HIVEP3: variants seen among roughly 807,000 people sequenced by gnomAD.
HIVEP3 encodes the protein HIVEP zinc finger 3, also known as transcription factor HIVEP3.
HIVEP3 carries 49 observed loss-of-function variants against 152.8 expected under a neutral mutation model. The ratio of observed to expected loss-of-function variants is 0.32; its 90% CI spans 0.26 to 0.41. The LOEUF (loss-of-function observed/expected upper bound fraction) is 0.41, where lower values mean the gene tolerates loss of function less well. HIVEP3 is among the 10% of genes least tolerant of loss of function. The pLI, the probability that HIVEP3 is intolerant of heterozygous loss-of-function variation, is 1.00. For synonymous variants in HIVEP3, 1,269 were observed against 1,289.0 expected, an observed-to-expected ratio of 0.98 and a Z score of 0.33; for missense variants, 2,790 against 3,103.3, an observed-to-expected ratio of 0.90 and a Z score of 2.40.
intron 1 of HIVEP3, among the ~76,000 whole-genome samples, chr1:41,868,100 CT>C (rs1464838717): frequency 6.6e-6 from 1 of 152,206 alleles, no homozygotes; most frequent in Non-Finnish European, 1.5e-5. Flanking sequence ...CCTCTTTCCC[CT>C]AGCTGATACT....
intron 1 of HIVEP3, among the ~76,000 whole-genome samples, chr1:41,953,838 A>G (rs937993270): frequency 2.0e-5 from 3 of 152,234 alleles, no homozygotes; most frequent in African/African-American, 7.2e-5. Flanking sequence ...GCCACTAATA[A>G]TAATGGTATT....
chr1:41,853,683 G>A (rs959395104), intron 1 of HIVEP3, among the ~76,000 whole-genome samples: 5 of 152,172 alleles, frequency 3.3e-5, no homozygotes, highest in African/African-American at 1.2e-4. Context: ...GTGTAGAAAG[G>A]GAGAGGAAGG....
At chr1:41,954,608 T>C (rs919140733) in intron 1 of HIVEP3, among the ~76,000 whole-genome samples, 3 of 152,210 alleles carry the variant, frequency 2.0e-5, no homozygotes, top group South Asian at 2.1e-4. Context: ...GTCATGGCCA[T>C]TGTGAGTCAA....
chr1:41,572,738 G>C (rs1466533336), intron 5 of HIVEP3, among the ~76,000 whole-genome samples: 1 of 152,250 alleles, frequency 6.6e-6, no homozygotes, highest in Admixed American at 6.5e-5. Flanking sequence ...AGTTTAATTA[G>C]AGATTAAAAG....
At chr1:41,746,260 G>A (rs142389151) in intron 1 of HIVEP3, among the ~76,000 whole-genome samples, 59 of 152,242 alleles carry the variant, frequency 3.9e-4, no homozygotes, top group African/African-American at 1.3e-3. Context: ...TAATCACCTC[G>A]CATTTATTAT....
intron 1 of HIVEP3, among the ~76,000 whole-genome samples, chr1:41,944,133 T>C (rs1262924600): frequency 6.6e-6 from 1 of 152,188 alleles, no homozygotes; most frequent in South Asian, 2.1e-4. Flanking sequence ...TGAGAGGAAG[T>C]AGGAGTTATT....
In HIVEP3 at chr1:41,561,271, G is replaced by A. The variant is rs141601723; in HGVS notation, c.5207+14273C>T. 8.3e-3 allele frequency among the ~76,000 whole-genome samples: 1,260 copies of A among 152,262 alleles called. 16 individuals are homozygous for A. The highest frequency in any genetic ancestry group is 0.028 in the African/African-American group (1,165 of 41,550). On this transcript the variant is annotated intron_variant, in intron 5 of 8. Transcript: ENST00000372583. ...AAACCCCAGTCCTCCAGACTCTACAGCCCAAGCCTCATTCTTACATCTTCC... is the reference window on the plus strand; with the variant it reads ...AAACCCCAGTCCTCCAGACTCTACAACCCAAGCCTCATTCTTACATCTTCC...
intron 1 of HIVEP3, among the ~76,000 whole-genome samples, chr1:41,767,027 A>G (rs576840811): frequency 1.4e-4 from 21 of 152,200 alleles, no homozygotes; most frequent in Non-Finnish European, 2.1e-4. Context: ...GATCCCAGCC[A>G]CAGTTCCACT....
At chr1:41,766,480 G>A (rs1346630627) in intron 1 of HIVEP3, among the ~76,000 whole-genome samples, 1 of 152,240 alleles carries the variant, frequency 6.6e-6, no homozygotes, top group Non-Finnish European at 1.5e-5. Context: ...CAGAGGCTGT[G>A]CTAAGTACTT....
At chr1:41,544,805 CACCACT>C (rs1200573242) in intron 5 of HIVEP3, among the ~76,000 whole-genome samples, 1 of 143,670 alleles carries the variant, frequency 7.0e-6, no homozygotes, top group Non-Finnish European at 1.6e-5. Flanking sequence ...CCATCACCAC[CACCACT>C]ACCACCTCTA....
intron 1 of HIVEP3, among the ~76,000 whole-genome samples, chr1:41,779,150 C>A (rs1249868886): frequency 6.6e-6 from 1 of 152,188 alleles, no homozygotes; most frequent in Non-Finnish European, 1.5e-5. Context: ...CACTTGCCTT[C>A]CTCCCACCCC....
intron 2 of HIVEP3, among the ~76,000 whole-genome samples, chr1:41,676,928 G>A (rs1037198965): frequency 2.0e-5 from 3 of 152,256 alleles, no homozygotes; most frequent in African/African-American, 7.2e-5. Context: ...CTGGGATGGT[G>A]AAGGCTAGGG....
chr1:41,544,441 C>T (rs1643610975), intron 5 of HIVEP3: 1 of 151,924 alleles, frequency 6.6e-6, no homozygotes, highest in African/African-American at 2.4e-5. Context: ...ATTGATTAAA[C>T]ACCCTCTGGC....
intron 5 of HIVEP3, among the ~76,000 whole-genome samples, chr1:41,566,885 C>A (rs1257108876): frequency 6.6e-6 from 1 of 152,108 alleles, no homozygotes; most frequent in African/African-American, 2.4e-5. Context: ...GTCCTGGATG[C>A]CTTTTTCTTT....
At chr1:41,748,447 T>A (rs1007131848) in intron 1 of HIVEP3, among the ~76,000 whole-genome samples, 1 of 152,168 alleles carries the variant, frequency 6.6e-6, no homozygotes, top group Non-Finnish European at 1.5e-5. Flanking sequence ...AACTATTGAA[T>A]GGGAAACTGT....
At chr1:41,953,186 G>A (rs1381677318) in intron 1 of HIVEP3, among the ~76,000 whole-genome samples, 1 of 152,124 alleles carries the variant, frequency 6.6e-6, no homozygotes, top group Non-Finnish European at 1.5e-5. Flanking sequence ...TCAAGACTAG[G>A]TTCAAATTTC....
chr1:41,580,169 T>C lies in HIVEP3; in HGVS notation c.4629A>G (p.Arg1543=). ...EYPQPSGKPH[R]RGLTPLSVKK... is the part of the protein sequence containing the mutation. ...TCACGCTCAGTGGGGTCAACCCTCT[T>C]CGGTGAGGTTTGCCAGATGGCTGGG... Residue 1543 remains arginine (R), a synonymous_variant, in exon 4 of 9, where the codon CGA becomes CGG. Transcript: ENST00000372583. The C allele has an allele frequency of 6.2e-7, 1 of 1,612,946 alleles. No homozygotes were observed. Among genetic ancestry groups the C allele is most frequent in the Non-Finnish European group, 8.5e-7 (1 of 1,179,294 alleles).
chr1:41,876,432 C>A (rs922266906), intron 1 of HIVEP3, among the ~76,000 whole-genome samples: 1 of 152,092 alleles, frequency 6.6e-6, no homozygotes, highest in African/African-American at 2.4e-5. Flanking sequence ...GTTTCCTCAT[C>A]TGTAAAATAA....
chr1:41,958,091 G>A (rs868033368), intron 1 of HIVEP3, among the ~76,000 whole-genome samples: 6 of 152,182 alleles, frequency 3.9e-5, no homozygotes, highest in Non-Finnish European at 5.9e-5. Flanking sequence ...AACACAAAAC[G>A]TCTCATCTAT....
Sources: allele counts gnomAD v4.1 joint callset (sites outside exome capture counted in the v4.1 genomes callset), GRCh38; gene constraint gnomAD v4.1.1; transcripts MANE v1.5; gene names NCBI Gene and HGNC (gene_info 2026-07-23, HGNC 2026-07-21).